Variants in GGA2 observed in about 807,000 individuals in gnomAD.
GGA2 encodes the protein golgi associated, gamma adaptin ear containing, ARF binding protein 2.
A neutral mutation model predicts 79.5 loss-of-function variants in GGA2; 48 were observed. That is an observed-to-expected ratio of 0.60 (90% CI 0.48 to 0.77). The LOEUF (loss-of-function observed/expected upper bound fraction) is 0.77, where lower values mean the gene tolerates loss of function less well. Ranked by LOEUF, GGA2 falls within the 30% of genes least tolerant of loss-of-function variation. The pLI, the probability that GGA2 is intolerant of heterozygous loss-of-function variation, is 0.00. For synonymous variants in GGA2, 317 were observed against 302.0 expected, an observed-to-expected ratio of 1.05 and a Z score of -0.51; for missense variants, 770 against 774.0, an observed-to-expected ratio of 0.99 and a Z score of 0.06.
At chr16:23,482,454 T>C (rs576487480) in intron 9 of GGA2, among the ~76,000 whole-genome samples, 1 of 152,292 alleles carries the variant, frequency 6.6e-6, no homozygotes, top group East Asian at 1.9e-4. Flanking sequence ...TTTTCCACAA[T>C]AAAGAGTTAA....
At chr16:23,511,016 C>CGTGTGTGTGCGTGCGT (rs1555501415), upstream of GGA2, among the ~76,000 whole-genome samples, 1 of 28,838 alleles carries the variant, frequency 3.5e-5, no homozygotes, top group Admixed American at 4.1e-4. Context: ...TGGGTTTCAC[C>CGTGTGTGTGCGTGCGT]GTGTGTGTGT....
At chr16:23,495,831 C>T (rs1964848492) in intron 1 of GGA2, 53 bp from the exon 2 acceptor site, 1 of 1,156,052 alleles carries the variant, frequency 8.7e-7, no homozygotes, top group Admixed American at 1.9e-5. Context: ...AAATTTACAC[C>T]CCTCCCCATA....
intron 8 of GGA2, among the ~76,000 whole-genome samples, chr16:23,484,277 G>T (rs1296521759): frequency 6.6e-6 from 1 of 151,936 alleles, no homozygotes; most frequent in African/African-American, 2.4e-5. Context: ...AATTAGCCAG[G>T]CGTGCTGGCA....
At chr16:23,486,624 C>T (rs1658072380) in intron 7 of GGA2, 86 bp downstream of exon 7, 1 of 834,710 alleles carries the variant, frequency 1.2e-6, no homozygotes, top group South Asian at 1.3e-5. Flanking sequence ...AACCGTTCCT[C>T]TACCCCTCAA....
At chr16:23,489,382 G>C (rs1287860343) in intron 5 of GGA2, among the ~76,000 whole-genome samples, 2 of 152,172 alleles carry the variant, frequency 1.3e-5, no homozygotes, top group African/African-American at 2.4e-5. Flanking sequence ...CTACAGGTGG[G>C]CACCACCACA....
chr16:23,468,895 A>G lies in GGA2; in HGVS notation c.1722T>C (p.Asn574=). 1.9e-6 allele frequency: 3 copies of G among 1,596,554 alleles called. No individual in the cohort carries two copies. Among genetic ancestry groups the G allele is most frequent in the Non-Finnish European group, 2.6e-6 (3 of 1,164,088 alleles). The change falls in exon 16 of 17, where the codon AAT becomes AAC. Residue 574 remains asparagine (N), a synonymous_variant. Transcript: ENST00000309859. ...AVISQMLLLD[N]PHKEPIRLRY... is the part of the protein sequence containing the mutation. ...AGACACTGGAACATACTTTGTGTGGATTGTCAAGCAGCAGCATCTGAGATA... is the reference window on the plus strand; with the variant it reads ...AGACACTGGAACATACTTTGTGTGGGTTGTCAAGCAGCAGCATCTGAGATA...
chr16:23,508,411 A>G (rs1391676198), intron 1 of GGA2, among the ~76,000 whole-genome samples: 8 of 152,088 alleles, frequency 5.3e-5, no homozygotes, highest in African/African-American at 1.9e-4. Flanking sequence ...ATTGCCTCCT[A>G]AAACTACTAC....
At chr16:23,522,969 A>G (rs1412961557), upstream of GGA2, 2 of 152,198 alleles carry the variant, frequency 1.3e-5, no homozygotes, top group African/African-American at 4.8e-5. Context: ...CTGCTTGAGT[A>G]TTTTCATGAC....
rs34615748 is a variant in GGA2 at position 23,470,747 on chromosome 16, TCAAA to T, written c.1451-586_1451-583del. Among the ~76,000 whole-genome samples the T allele has an allele frequency of 1.8e-3, 264 of 146,892 alleles. 1 individual carries two copies. Among genetic ancestry groups the T allele is most frequent in the East Asian group, 0.011 (52 of 4,938 alleles). On this transcript the variant is annotated intron_variant, in intron 14 of 16. Transcript: ENST00000309859. ...CTAAGTGACAGAGCGAGACTCTGTC[TCAAA>T]CAAACAAACAAACAAAAAACAAAAA...
intron 16 of GGA2, among the ~76,000 whole-genome samples, chr16:23,468,442 C>T (rs1964469248): frequency 6.6e-6 from 1 of 151,432 alleles, no homozygotes; most frequent in African/African-American, 2.4e-5. Context: ...TCCCAAAGTG[C>T]TGGGATTACA....
chr16:23,477,889 T>C (rs1374991150), intron 13 of GGA2, among the ~76,000 whole-genome samples: 1 of 152,086 alleles, frequency 6.6e-6, no homozygotes, highest in Non-Finnish European at 1.5e-5. Flanking sequence ...TTATCAGCAG[T>C]GTGAAAACAA....
upstream of GGA2, among the ~76,000 whole-genome samples, chr16:23,512,135 AC>A (rs1343944334): frequency 6.6e-6 from 1 of 152,144 alleles, no homozygotes. Flanking sequence ...GGAAGAAGAG[AC>A]CCAGAGCCAC....
At chr16:23,485,886 A>G (rs1175865148) in intron 8 of GGA2, 129 bp downstream of exon 8, 1 of 827,070 alleles carries the variant, frequency 1.2e-6, no homozygotes, top group Non-Finnish European at 1.9e-6. Flanking sequence ...CAGCACAACG[A>G]CATTTGGGGA....
chr16:23,467,651 G>T lies in GGA2; in HGVS notation c.1781C>A (p.Pro594His), dbSNP rs1176591266. ...YKLTFNQGGQ[P>H]FSEVGEVKDF... is the part of the protein sequence containing the mutation. ...TTTCACTTCTCCTACTTCGCTGAAA[G>T]GCTGTCCACCTTGGTTGAATGTCAG... The change falls in exon 17 of 17, where the codon CCT becomes CAT. Residue 594 changes from proline (P) to histidine (H), a missense_variant. Transcript: ENST00000309859. 9 of 1,610,628 alleles carry T rather than the reference G, an allele frequency of 5.6e-6. No homozygotes were observed. Among genetic ancestry groups the T allele is most frequent in the Non-Finnish European group, 7.6e-6 (9 of 1,176,984 alleles).
chr16:23,478,239 AG>A (rs375212050), intron 13 of GGA2, 128 bp downstream of exon 13: 19 of 632,234 alleles, frequency 3.0e-5, no homozygotes, highest in South Asian at 7.3e-5. Flanking sequence ...AAAAAAAAAA[AG>A]AAAGAAAGAA....
chr16:23,466,320 G>A lies in GGA2; in HGVS notation c.*1270C>T, dbSNP rs1964436665. The A allele has an allele frequency of 6.6e-6, 1 of 152,174 alleles. No homozygotes were observed. The highest frequency in any genetic ancestry group is 1.5e-5 in the Non-Finnish European group (1 of 68,048). 9.4% of individuals were successfully genotyped at this position (152,174 alleles called of 1,614,324 possible). A position where few individuals can be genotyped will look rare whatever the true frequency, so the allele number is the denominator to read the frequency against. On this transcript the variant is annotated 3_prime_UTR_variant, in exon 17 of 17. Coordinates refer to ENST00000309859, the MANE Select transcript of GGA2 (RefSeq NM_015044.4). The stretch of plus-strand genomic sequence containing the variant: ...TTCTCCCACCCATCAGGCCAAGCAG[G>A]ACTTGTCAAACATACACATTCAAGT...
intron 13 of GGA2, among the ~76,000 whole-genome samples, chr16:23,476,226 G>A (rs1427269007): frequency 1.3e-5 from 2 of 152,134 alleles, no homozygotes; most frequent in African/African-American, 4.8e-5. Flanking sequence ...CACCCTGCCC[G>A]AGTGGCTGAA....
chr16:23,489,613 A>G (rs1964757826), intron 5 of GGA2, among the ~76,000 whole-genome samples: 1 of 152,204 alleles, frequency 6.6e-6, no homozygotes, highest in African/African-American at 2.4e-5. Flanking sequence ...CTAAGGAAAA[A>G]AACAACCTCC....
At chr16:23,487,765 C>G (rs1292039189) in intron 6 of GGA2, among the ~76,000 whole-genome samples, 1 of 152,092 alleles carries the variant, frequency 6.6e-6, no homozygotes, top group Non-Finnish European at 1.5e-5. Flanking sequence ...CCTAGACTAG[C>G]CTTGCTCATT....
Sources: allele counts gnomAD v4.1 joint callset (sites outside exome capture counted in the v4.1 genomes callset), GRCh38; gene constraint gnomAD v4.1.1; transcripts MANE v1.5; gene names NCBI Gene and HGNC (gene_info 2026-07-23, HGNC 2026-07-21).